The following UTP25 variants were observed in gnomAD, a reference collection of about 807,000 sequenced individuals.
The protein encoded by UTP25 is U3 small nucleolar RNA-associated protein 25 homolog.
A neutral mutation model predicts 78.9 loss-of-function variants in UTP25; 50 were observed. The observed-to-expected ratio is 0.63, with a 90% CI of 0.50 to 0.80. The LOEUF (loss-of-function observed/expected upper bound fraction) is 0.80, where lower values mean the gene tolerates loss of function less well. Ranked by LOEUF, UTP25 falls within the 30% of genes least tolerant of loss-of-function variation. The pLI is 0.00. For missense variants in UTP25, 846 were observed against 911.3 expected (o/e 0.93, Z 0.92); for synonymous variants, 329 against 336.5 (o/e 0.98, Z 0.24).
At chr1:209,849,398 G>A (rs561933679) in intron 11 of UTP25, among the ~76,000 whole-genome samples, 1 of 152,076 alleles carries the variant, frequency 6.6e-6, no homozygotes, top group South Asian at 2.1e-4. Context: ...CAAGTCTTGT[G>A]TGGGGGACAA....
intron 5 of UTP25, 88 bp from the exon 6 acceptor site, chr1:209,836,713 A>C: frequency 7.2e-7 from 1 of 1,384,214 alleles, no homozygotes; most frequent in South Asian, 1.4e-5. Flanking sequence ...TCTATAAATC[A>C]TGAAAAAATT....
chr1:209,852,684 T>C lies in UTP25; in HGVS notation c.*1237T>C, dbSNP rs1258737945. On this transcript the variant is annotated 3_prime_UTR_variant, in exon 12 of 12. Transcript: ENST00000491415. The stretch of plus-strand genomic sequence containing the variant: ...GTTTCTCTACTCCAGCCCTGCTTGC[T>C]TTTAGTAGGAAATTATTATAAAAGG... 1.3e-5 allele frequency: 2 copies of C among 152,168 alleles called. No individual in the cohort carries two copies. Among genetic ancestry groups the C allele is most frequent in the Non-Finnish European group, 2.9e-5 (2 of 68,030 alleles). The allele number at this position is 152,168 out of a possible 1,614,324, so 9.4% of individuals were successfully genotyped here.
chr1:209,829,711 C>T (rs1428860904), intron 1 of UTP25, among the ~76,000 whole-genome samples: 1 of 152,058 alleles, frequency 6.6e-6, no homozygotes, highest in Non-Finnish European at 1.5e-5. Context: ...GTCTCAAACT[C>T]CTGGGCTCAA....
In UTP25 at chr1:209,838,693, G is replaced by GT. The variant is rs560400599; in HGVS notation, c.1063-215dup. 1.3e-3 allele frequency: 775 copies of GT among 601,684 alleles called. 2 individuals carry two copies. The highest frequency in any genetic ancestry group is 2.0e-3 in the Non-Finnish European group (660 of 336,392). 37.3% of individuals were successfully genotyped at this position (601,684 alleles called of 1,614,324 possible). ...AGAAATGTCTCACGTGGACTGATGG[G>GT]TCTGAAGTCCGCAGGTCATGGTGCT... On this transcript the variant is annotated intron_variant, in intron 6 of 11. Coordinates refer to ENST00000491415, the MANE Select transcript of UTP25 (RefSeq NM_014388.7).
At position 209,835,051 on chromosome 1, in the gene UTP25, T is replaced by G. The variant is rs978820673; in HGVS notation, c.563-24T>G. 12 of 1,597,946 alleles carry G rather than the reference T, an allele frequency of 7.5e-6. No individual in the cohort carries two copies. The Admixed American group carries it at 1.0e-4, about 13-fold the overall frequency. On this transcript the variant is annotated intron_variant, in intron 4 of 11. Transcript: ENST00000491415. ...ACCCCTCTGTAGTTGCATAGTGTGC[T>G]GACATTTTTTATTTCTGAATTAGAT...
At chr1:209,846,384 G>T (rs113603151) in intron 11 of UTP25, among the ~76,000 whole-genome samples, 12 of 152,146 alleles carry the variant, frequency 7.9e-5, no homozygotes. Context: ...TTTCCAGTGC[G>T]TTATCAGTGG....
At chr1:209,828,778 A>T (rs1001922639) in intron 1 of UTP25, among the ~76,000 whole-genome samples, 8 of 137,098 alleles carry the variant, frequency 5.8e-5, no homozygotes, top group East Asian at 2.3e-4. Flanking sequence ...TATATATATA[A>T]TTTTTTTTTT....
rs751420625 is a variant in UTP25, at chr1:209,837,022, C to T, written c.873C>T (p.Asp291=). The change falls in exon 6 of 12, where the codon GAC becomes GAT. Residue 291 remains aspartate, a synonymous_variant. Coordinates refer to ENST00000491415, the MANE Select transcript of UTP25 (RefSeq NM_014388.7). ...ELFLIMNSYR[D]LFYPERTALK... ...TCTTAATTATGAATTCTTACCGGGA[C>T]CTGTTCTACCCGGAAAGGACTGCTC... 4.3e-6 allele frequency: 7 copies of T among 1,614,030 alleles called. No individual in the cohort carries two copies. Among genetic ancestry groups the T allele is most frequent in the South Asian group, 1.1e-5 (1 of 91,090 alleles).
chr1:209,842,605 T>A lies in UTP25; in HGVS notation c.1691T>A (p.Met564Lys), dbSNP rs759849571. 6.2e-7 allele frequency: 1 copy of A among 1,613,924 alleles called. No individual in the cohort carries two copies. The highest frequency in any genetic ancestry group is 1.7e-5 in the Admixed American group (1 of 59,980). The change falls in exon 10 of 12, where the codon ATG (methionine) becomes AAG (lysine). Residue 564 changes from methionine to lysine, a missense_variant. Transcript: ENST00000491415. ...CAGGTGGCCGTGAGGAATGTCCCAA[T>A]GACAGGCTCTATCAGTCATGTCCTG... ...QGQVAVRNVP[M>K]TGSISHVLVQ...
chr1:209,844,657 C>T (rs894857806), intron 11 of UTP25: 16 of 139,928 alleles, frequency 1.1e-4, no homozygotes, highest in African/African-American at 4.4e-4. Context: ...AAAAAAAAAC[C>T]AACTCTAATT....
rs1265938337 is a variant in UTP25 at position 209,854,003 on chromosome 1, G to A, written c.*2556G>A. 6.6e-6 allele frequency: 1 copy of A among 152,210 alleles called. No homozygotes were observed. Among genetic ancestry groups the A allele is most frequent in the Non-Finnish European group, 1.5e-5 (1 of 68,040 alleles). 9.4% of individuals were successfully genotyped at this position (152,210 alleles called of 1,614,324 possible). On this transcript the variant is annotated 3_prime_UTR_variant, in exon 12 of 12. Coordinates refer to ENST00000491415, the MANE Select transcript of UTP25 (RefSeq NM_014388.7). ...CTGCAGTTAGCCCTGGCTCCTTAGTGCATTGCAGAGTGGAGTCTCTGCAAT... is the reference window on the plus strand; with the variant it reads ...CTGCAGTTAGCCCTGGCTCCTTAGTACATTGCAGAGTGGAGTCTCTGCAAT...
At chr1:209,836,044 GC>G (rs2078131243) in intron 5 of UTP25, among the ~76,000 whole-genome samples, 2 of 151,616 alleles carry the variant, frequency 1.3e-5, no homozygotes, top group Admixed American at 1.3e-4. Context: ...TCTGCACCCT[GC>G]CCCACCCCCA....
At chr1:209,834,770 G>A (rs1296182951) in intron 4 of UTP25, among the ~76,000 whole-genome samples, 1 of 152,144 alleles carries the variant, frequency 6.6e-6, no homozygotes, top group African/African-American at 2.4e-5. Flanking sequence ...AGAATTTGAG[G>A]GCCATATAGT....
In UTP25 at chr1:209,841,036, A is replaced by G. The variant is rs2078164606; in HGVS notation, c.1466A>G (p.Gln489Arg). 16 of 1,613,942 alleles carry G rather than the reference A, an allele frequency of 9.9e-6. No individual in the cohort carries two copies. The highest frequency in any genetic ancestry group is 1.4e-5 in the Non-Finnish European group (16 of 1,179,942). The stretch of plus-strand genomic sequence containing the variant: ...GATCAAGCTGACATTTACCTGATGC[A>G]GAACTGGGAGCATGTCCTGGTAATG... ...IIDQADIYLM[Q>R]NWEHVLHLMN... Residue 489 changes from glutamine (Q) to arginine (R), a missense_variant, in exon 8 of 12, where the codon CAG becomes CGG. Physicochemically the swap from Gln to Arg is conservative, Grantham distance 43. Transcript: ENST00000491415.
At chr1:209,829,007 C>CT (rs1344008028) in intron 1 of UTP25, among the ~76,000 whole-genome samples, 1 of 151,902 alleles carries the variant, frequency 6.6e-6, no homozygotes, top group Non-Finnish European at 1.5e-5. Context: ...CTACTGACCT[C>CT]GGGTGATCTG....
Position 209,830,999 on chromosome 1 carries a change from G to A in UTP25, c.344G>A (p.Ser115Asn), listed in dbSNP as rs201333152. 262 of 1,614,176 alleles carry A rather than the reference G, an allele frequency of 1.6e-4. No individual in the cohort carries two copies. Among genetic ancestry groups the A allele is most frequent in the Non-Finnish European group, 2.0e-4 (239 of 1,180,004 alleles). The change falls in exon 3 of 12, where the codon AGT (serine) becomes AAT (asparagine). Residue 115 changes from serine (S) to asparagine (N), a missense_variant. Transcript: ENST00000491415. Reference protein sequence around the residue: ...MNDEDGGSDVSVEEEMAAEST... With the variant: ...MNDEDGGSDVNVEEEMAAEST... ...GATGAAGATGGTGGTAGCGATGTCA[G>A]TGTGGAAGAAGAGATGGCTGCAGAG...
chr1:209,842,738 A>C, intron 10 of UTP25, 43 bp downstream of exon 10: 1 of 1,462,680 alleles, frequency 6.8e-7, no homozygotes, highest in Non-Finnish European at 9.4e-7. Context: ...CCACATAGAG[A>C]GATTTGACTT....
In UTP25 at chr1:209,836,732, A is replaced by G; in HGVS notation, c.652-69A>G. 2.0e-6 allele frequency: 3 copies of G among 1,491,750 alleles called. No homozygotes were observed. In the South Asian group the frequency reaches 4.1e-5, roughly 20 times the overall value. The allele number at this position is 1,491,750 out of a possible 1,614,324, so 92.4% of individuals were successfully genotyped here. A position where few individuals can be genotyped will look rare whatever the true frequency, so the allele number is the denominator to read the frequency against. ...TAAATCATGAAAAAATTCGCTAAATATAGTACTATGTGAATGTAATTTACT... is the reference window on the plus strand; with the variant it reads ...TAAATCATGAAAAAATTCGCTAAATGTAGTACTATGTGAATGTAATTTACT... On this transcript the variant is annotated intron_variant, in intron 5 of 11. Transcript: ENST00000491415.
At chr1:209,840,243 T>A (rs2078158883) in intron 7 of UTP25, among the ~76,000 whole-genome samples, 1 of 152,202 alleles carries the variant, frequency 6.6e-6, no homozygotes, top group African/African-American at 2.4e-5. Context: ...AAAGCCATGA[T>A]CAGTGAGTCA....
Sources: allele counts gnomAD v4.1 joint callset (sites outside exome capture counted in the v4.1 genomes callset), GRCh38; gene constraint gnomAD v4.1.1; transcripts MANE v1.5; gene names NCBI Gene and HGNC (gene_info 2026-07-23, HGNC 2026-07-21).